ERCC5: variants seen among roughly 807,000 people sequenced by gnomAD.
ERCC5 encodes the protein DNA excision repair protein ERCC-5.
In ERCC5, 68 loss-of-function variants were observed where a neutral mutation model predicts 105.6. The ratio of observed to expected loss-of-function variants is 0.64; its 90% CI spans 0.53 to 0.79. ERCC5 has a LOEUF of 0.79. Among genes scored for constraint, ERCC5 ranks in the 30% least tolerant of loss-of-function variants. The pLI, the probability that ERCC5 is intolerant of heterozygous loss-of-function variation, is 0.00. For synonymous variants in ERCC5, 546 were observed against 526.2 expected, an observed-to-expected ratio of 1.04 and a Z score of -0.51; for missense variants, 1,373 against 1,426.7, an observed-to-expected ratio of 0.96 and a Z score of 0.61.
In ERCC5 at chr13:102,872,387, C is replaced by T; in HGVS notation, c.2868C>T (p.Asp956=). 3 of 1,614,126 alleles carry T rather than the reference C, an allele frequency of 1.9e-6. No individual in the cohort carries two copies. The South Asian group carries it at 3.3e-5, about 18-fold the overall frequency. Residue 956 remains aspartate (D), a synonymous_variant, in exon 13 of 15, where the codon GAC becomes GAT. Coordinates refer to ENST00000652225, the MANE Select transcript of ERCC5 (RefSeq NM_000123.4). ...GSFLWGKPDL[D]KIREFCQRYF... Reference sequence around the variant, plus strand: ...TTCTGTGGGGGAAACCTGATCTCGACAAAATTAGAGAATATCCTTTGCTTC... The same window carrying T: ...TTCTGTGGGGGAAACCTGATCTCGATAAAATTAGAGAATATCCTTTGCTTC...
chr13:102,872,138 A>G (rs370883989), intron 12 of ERCC5, 60 bp from the exon 13 acceptor site: 43 of 1,573,530 alleles, frequency 2.7e-5, no homozygotes, highest in African/African-American at 2.7e-4. Flanking sequence ...TTCTTCATCC[A>G]TAGTGTATGA....
chr13:102,848,235 A>G (rs537991083), intron 1 of ERCC5, among the ~76,000 whole-genome samples: 3 of 152,348 alleles, frequency 2.0e-5, no homozygotes, highest in Middle Eastern at 3.4e-3. Context: ...TTGTTCTACA[A>G]TCGGTTTTGC....
rs1882795646 is a variant in ERCC5, at chr13:102,865,414, A to G, written c.1955-253A>G. 2 of 453,854 alleles carry G rather than the reference A, an allele frequency of 4.4e-6. No individual in the cohort carries two copies. The highest frequency in any genetic ancestry group is 3.4e-5 in the Admixed American group (1 of 29,110). The allele number at this position is 453,854 out of a possible 1,614,324, so 28.1% of individuals were successfully genotyped here. ...ACATATTTATATAAAGCGAATATAC[A>G]AATCTTAAGAGAGTTTCCTACTTTC... On this transcript the variant is annotated intron_variant, in intron 8 of 14. Coordinates refer to ENST00000652225, the MANE Select transcript of ERCC5 (RefSeq NM_000123.4). This position sits in a 1 kb window ranked among gnomAD's most constrained non-coding sequence, Gnocchi z 4.0.
At chr13:102,851,522 T>G (rs1213707088) in intron 1 of ERCC5, among the ~76,000 whole-genome samples, 1 of 152,160 alleles carries the variant, frequency 6.6e-6, no homozygotes, top group Non-Finnish European at 1.5e-5. Flanking sequence ...CTCGATCTCT[T>G]GATCTCGTGA....
At chr13:102,867,218 GC>G (rs1459926155) in intron 11 of ERCC5, among the ~76,000 whole-genome samples, 3 of 152,192 alleles carry the variant, frequency 2.0e-5, no homozygotes, top group Admixed American at 6.5e-5. Context: ...ACTCCTATAT[GC>G]CAGTTGTTCT....
chr13:102,852,035 G>T, intron 1 of ERCC5, 83 bp from the exon 2 acceptor site: 1 of 1,468,096 alleles, frequency 6.8e-7, no homozygotes, highest in South Asian at 1.2e-5. Flanking sequence ...TTCAACGTTT[G>T]GATAATATCA....
At chr13:102,848,095 G>A (rs1882048137) in intron 1 of ERCC5, among the ~76,000 whole-genome samples, 1 of 152,162 alleles carries the variant, frequency 6.6e-6, no homozygotes, top group Non-Finnish European at 1.5e-5. Context: ...GGCGGTCAAG[G>A]CTGCAATGAG....
rs752661599 is a variant in ERCC5 at position 102,872,261 on chromosome 13, G to GA, written c.2751dup (p.Leu918IlefsTer12). On this transcript the variant is annotated frameshift_variant, in exon 13 of 15. Coordinates refer to ENST00000652225, the MANE Select transcript of ERCC5 (RefSeq NM_000123.4). LOFTEE classifies it high-confidence loss of function. ...GACCTAATCCTCATGACACCAAAGT[G>GA]AAAAAAAAATTACGGACATTGCAAC... The GA allele has an allele frequency of 1.3e-5, 21 of 1,612,426 alleles. No individual in the cohort carries two copies. Among genetic ancestry groups the GA allele is most frequent in the Admixed American group, 5.0e-5 (3 of 59,882 alleles).
Position 102,862,268 on chromosome 13 carries a change from C to T in ERCC5, c.1119C>T (p.Asn373=), listed in dbSNP as rs375599456. ...SENRRQARGR[N]APAAVDEGSI... ...ATCGAAGGCAGGCCCGTGGGAGGAA[C>T]GCACCTGCTGCTGTAGACGAAGGCT... The change falls in exon 8 of 15, where the codon AAC becomes AAT. Residue 373 remains asparagine (N), a synonymous_variant. Transcript: ENST00000652225. 55 of 1,614,076 alleles carry T rather than the reference C, an allele frequency of 3.4e-5. No homozygotes were observed. Among genetic ancestry groups the T allele is most frequent in the South Asian group, 1.9e-4 (17 of 91,088 alleles).
chr13:102,861,889 A>T (rs920244612), intron 7 of ERCC5, 141 bp from the exon 8 acceptor site: 10 of 1,366,596 alleles, frequency 7.3e-6, no homozygotes, highest in Non-Finnish European at 1.0e-5. Context: ...AAAATTAGCT[A>T]ATGAATTAAC....
At position 102,865,520 on chromosome 13, in the gene ERCC5, C is replaced by T. The variant is rs979293377; in HGVS notation, c.1955-147C>T. ...TGTGATTACATTTATTTATTAATAACGCTACTATTACATGTATTCTGTTAT... is the reference window on the plus strand; with the variant it reads ...TGTGATTACATTTATTTATTAATAATGCTACTATTACATGTATTCTGTTAT... On this transcript the variant is annotated intron_variant, in intron 8 of 14. Coordinates refer to ENST00000652225, the MANE Select transcript of ERCC5 (RefSeq NM_000123.4). This position sits in a 1 kb window ranked among gnomAD's most constrained non-coding sequence, Gnocchi z 4.0. 6.2e-5 allele frequency: 67 copies of T among 1,088,754 alleles called. No individual in the cohort carries two copies. The highest frequency in any genetic ancestry group is 4.2e-4 in the South Asian group (29 of 69,832). The allele number at this position is 1,088,754 out of a possible 1,614,324, so 67.4% of individuals were successfully genotyped here.
chr13:102,868,303 A>G, intron 12 of ERCC5, 46 bp downstream of exon 12: 1 of 1,610,466 alleles, frequency 6.2e-7, no homozygotes, highest in Non-Finnish European at 8.5e-7. Context: ...GTAAATACCC[A>G]AATAAGCAAA....
Position 102,846,255 on chromosome 13 carries a change from C to T in ERCC5, c.-12C>T. ...AAGTTGTCGGGGTCCGCTCTTAGGA[C>T]GCAGCCGCCTCATGGGGGTCCAGGG... On this transcript the variant is annotated 5_prime_UTR_variant, in exon 1 of 15. The change creates a new upstream start codon in the 5' untranslated region. Transcript: ENST00000652225. 6 of 1,611,034 alleles carry T rather than the reference C, an allele frequency of 3.7e-6. No individual in the cohort carries two copies. Among genetic ancestry groups the T allele is most frequent in the Non-Finnish European group, 5.1e-6 (6 of 1,178,306 alleles).
In ERCC5 at chr13:102,870,671, A is replaced by C. The variant is rs140506569; in HGVS notation, c.2679-1527A>C. Among the ~76,000 whole-genome samples, 49 of 152,316 alleles carry C rather than the reference A, an allele frequency of 3.2e-4. No homozygotes were observed. The East Asian group carries it at 3.3e-3, about 10-fold the overall frequency. Reference sequence around the variant, plus strand: ...CTCCTGGAAAGAATGTTGTAAAAGTAATGAAGAAAAATTATTTTTTCCTTT... The same window carrying C: ...CTCCTGGAAAGAATGTTGTAAAAGTCATGAAGAAAAATTATTTTTTCCTTT... On this transcript the variant is annotated intron_variant, in intron 12 of 14. Transcript: ENST00000652225.
chr13:102,846,553 T>A (rs935040844), intron 1 of ERCC5, among the ~76,000 whole-genome samples, 199 bp downstream of exon 1: 1 of 152,180 alleles, frequency 6.6e-6, no homozygotes, highest in Non-Finnish European at 1.5e-5. Flanking sequence ...CAGCCCCTCC[T>A]CCGTATACCA....
At chr13:102,861,767 T>TGACTCTGAATTCTATA in intron 7 of ERCC5, 53 bp downstream of exon 7, 1 of 1,598,366 alleles carries the variant, frequency 6.3e-7, no homozygotes. Context: ...AGATATATCA[T>TGACTCTGAATTCTATA]GACTCTGAAT....
At position 102,846,292 on chromosome 13, in the gene ERCC5, T is replaced by A; in HGVS notation, c.26T>A (p.Leu9Gln). ...ATGGGGGTCCAGGGGCTCTGGAAGC[T>A]GCTGGAGTGCTCCGGGCGGCAGGTC... MGVQGLWK[L>Q]LECSGRQVSP... The change falls in exon 1 of 15, where the codon CTG becomes CAG. Residue 9 changes from leucine to glutamine, a missense_variant. Physicochemically the swap from Leu to Gln is moderately radical, Grantham distance 113. Around this residue, in one of 3 missense-constraint regions of ERCC5, gnomAD observed 1,004 missense variants for 1,059.7 expected, o/e 0.95. Transcript: ENST00000652225. 2 of 1,613,930 alleles carry A rather than the reference T, an allele frequency of 1.2e-6. No individual in the cohort carries two copies. Among genetic ancestry groups the A allele is most frequent in the Non-Finnish European group, 1.7e-6 (2 of 1,179,946 alleles).
In ERCC5 at chr13:102,862,897, T is replaced by G; in HGVS notation, c.1748T>G (p.Leu583Trp). ...TCTGAAGTCATTGGCCCTGTCAGTTTGCAAGAAACAAGTAGCATAGTAAGT... is the reference window on the plus strand; with the variant it reads ...TCTGAAGTCATTGGCCCTGTCAGTTGGCAAGAAACAAGTAGCATAGTAAGT... ...SASEVIGPVS[L>W]QETSSIVSVP... Residue 583 changes from leucine (L) to tryptophan (W), a missense_variant, in exon 8 of 15, where the codon TTG becomes TGG. Physicochemically the swap from Leu to Trp is moderately conservative, Grantham distance 61 (BLOSUM62 -2). This residue lies in a region of ERCC5 where 1,004 missense variants were observed against 1,059.7 expected (regional missense o/e 0.95). Coordinates refer to ENST00000652225, the MANE Select transcript of ERCC5 (RefSeq NM_000123.4). The G allele has an allele frequency of 1.2e-6, 2 of 1,614,250 alleles. No homozygotes were observed. Among genetic ancestry groups the G allele is most frequent in the Non-Finnish European group, 1.7e-6 (2 of 1,180,040 alleles).
chr13:102,862,531 C>T lies in ERCC5; in HGVS notation c.1382C>T (p.Thr461Ile), dbSNP rs1308509030. 1 of 1,614,106 alleles carries T rather than the reference C, an allele frequency of 6.2e-7. No homozygotes were observed. The highest frequency in any genetic ancestry group is 8.5e-7 in the Non-Finnish European group (1 of 1,180,026). ...TCTGCAGAGGAGCACGTAGCCAGCA[C>T]TAATGAGGGGAGAGAGCCCACAGAC... ...VNSAEEHVAS[T>I]NEGREPTDSV... The change falls in exon 8 of 15, where the codon ACT becomes ATT. Residue 461 changes from threonine (T) to isoleucine (I), a missense_variant. Around this residue, in one of 3 missense-constraint regions of ERCC5, gnomAD observed 1,004 missense variants for 1,059.7 expected, o/e 0.95. Transcript: ENST00000652225.
Sources: allele counts gnomAD v4.1 joint callset (sites outside exome capture counted in the v4.1 genomes callset), GRCh38; gene constraint gnomAD v4.1.1; regional missense constraint gnomAD v4.1.1; non-coding constraint Gnocchi (gnomAD v3.1); transcripts MANE v1.5; gene names NCBI Gene and HGNC (gene_info 2026-07-23, HGNC 2026-07-21).